The following SKP2 variants were observed in gnomAD, a reference collection of about 807,000 sequenced individuals.
SKP2 encodes S-phase kinase-associated protein 2.
SKP2 carries 16 observed loss-of-function variants against 51.8 expected under a neutral mutation model. That is an observed-to-expected ratio of 0.31 (90% CI 0.21 to 0.47). The LOEUF (loss-of-function observed/expected upper bound fraction) is 0.47, where lower values mean the gene tolerates loss of function less well. SKP2 is among the 20% of genes least tolerant of loss of function. The pLI is 1.00. For missense variants in SKP2, 377 were observed against 505.3 expected, an observed-to-expected ratio of 0.75 and a Z score of 2.43; for synonymous variants, 176 against 198.6, an observed-to-expected ratio of 0.89 and a Z score of 0.96.
At chr5:36,155,412 T>C (rs1437623426) in intron 2 of SKP2, among the ~76,000 whole-genome samples, 1 of 152,188 alleles carries the variant, frequency 6.6e-6, no homozygotes, top group Non-Finnish European at 1.5e-5. Flanking sequence ...TCGAGCTTTC[T>C]TTGCCTTAGT....
At chr5:36,153,213 G>GATAGATATATAT (rs1554084215) in intron 2 of SKP2, among the ~76,000 whole-genome samples, 171 bp downstream of exon 2, 2 of 147,562 alleles carry the variant, frequency 1.4e-5, no homozygotes, top group African/African-American at 2.5e-5. Flanking sequence ...AATCTTGGTA[G>GATAGATATATAT]ATATATATAT....
At chr5:36,156,538 C>G (rs1036025258) in intron 2 of SKP2, among the ~76,000 whole-genome samples, 14 of 152,120 alleles carry the variant, frequency 9.2e-5, no homozygotes, top group Non-Finnish European at 2.1e-4. Context: ...TAGAACAGGT[C>G]TGATTGGCCC....
intron 2 of SKP2, among the ~76,000 whole-genome samples, chr5:36,159,728 G>T (rs1457335245): frequency 6.6e-6 from 1 of 152,184 alleles, no homozygotes; most frequent in Non-Finnish European, 1.5e-5. Flanking sequence ...CCTACTCCAG[G>T]TTGGCTTTCT....
At chr5:36,154,288 A>G (rs1162173435) in intron 2 of SKP2, among the ~76,000 whole-genome samples, 1 of 152,064 alleles carries the variant, frequency 6.6e-6, no homozygotes, top group East Asian at 1.9e-4. Context: ...ATCTTGGAGA[A>G]AAGAGCTCCA....
chr5:36,177,115 G>C lies in SKP2; in HGVS notation c.954-70G>C, dbSNP rs953379740. ...TAATGTTGAAGCAACTAAACAGTAG[G>C]TTATTTCTGTCTTCTTTATCTAGGA... On this transcript the variant is annotated intron_variant, in intron 8 of 9. Transcript: ENST00000274255. 13 of 1,304,264 alleles carry C rather than the reference G, an allele frequency of 1.0e-5. No individual in the cohort carries two copies. In the African/African-American group the frequency reaches 1.9e-4, roughly 19 times the overall value. 80.8% of individuals were successfully genotyped at this position (1,304,264 alleles called of 1,614,324 possible). A position where few individuals can be genotyped will look rare whatever the true frequency, so the allele number is the denominator to read the frequency against.
chr5:36,156,959 A>C, intron 2 of SKP2, among the ~76,000 whole-genome samples: 1 of 151,938 alleles, frequency 6.6e-6, no homozygotes. Flanking sequence ...CATATTTTAC[A>C]TTGCAATCCT....
intron 2 of SKP2, among the ~76,000 whole-genome samples, chr5:36,159,564 G>A (rs1408487388): frequency 6.6e-6 from 1 of 152,158 alleles, no homozygotes; most frequent in East Asian, 1.9e-4. Context: ...GAATACTGGG[G>A]AGTCCCCAAA....
chr5:36,173,359 A>G (rs1288207196), intron 7 of SKP2, among the ~76,000 whole-genome samples: 3 of 152,116 alleles, frequency 2.0e-5, no homozygotes, highest in Non-Finnish European at 2.9e-5. Context: ...ACTATTCTCA[A>G]GTTTTGGATA....
intron 9 of SKP2, chr5:36,180,277 G>A: frequency 7.4e-7 from 1 of 1,344,580 alleles, no homozygotes; most frequent in South Asian, 1.1e-5. Flanking sequence ...GTTGGAGCTG[G>A]ATTGCTGTCA....
intron 4 of SKP2, 76 bp downstream of exon 4, chr5:36,166,738 T>TTC: frequency 5.0e-6 from 7 of 1,386,402 alleles, no homozygotes; most frequent in South Asian, 2.5e-5. Flanking sequence ...TTTTTTTTTT[T>TTC]TTCTTTCTTC....
Position 36,184,041 on chromosome 5 carries a change from A to G in SKP2, c.*2010A>G, listed in dbSNP as rs200914977. ...CATTTTTATAAAAATGAGTGCTTAA[A>G]CTAAGTTGTATTCCTTTTTTCTTTC... is the stretch of plus-strand genomic sequence containing the variant. On this transcript the variant is annotated 3_prime_UTR_variant, in exon 10 of 10. Coordinates refer to ENST00000274255, the MANE Select transcript of SKP2 (RefSeq NM_005983.4). 20 of 1,132,816 alleles carry G rather than the reference A, an allele frequency of 1.8e-5. No individual in the cohort carries two copies. The highest frequency in any genetic ancestry group is 2.3e-4 in the Middle Eastern group (1 of 4,326). 70.2% of individuals were successfully genotyped at this position (1,132,816 alleles called of 1,614,324 possible).
At chr5:36,161,387 C>T (rs1272392884) in intron 2 of SKP2, among the ~76,000 whole-genome samples, 1 of 151,694 alleles carries the variant, frequency 6.6e-6, no homozygotes, top group African/African-American at 2.4e-5. Flanking sequence ...CATAAGTGGC[C>T]TGTCCTTGTT....
At chr5:36,170,464 ATTATAGACTC>A (rs1561537264) in intron 6 of SKP2, 22 bp downstream of exon 6, 1 of 1,361,922 alleles carries the variant, frequency 7.3e-7, no homozygotes, top group Non-Finnish European at 1.0e-6. Flanking sequence ...GTGAGACTTG[ATTATAGACTC>A]TTATGTCAAA....
At chr5:36,191,460 A>C (rs564825950) in intron 6 of SKP2, among the ~76,000 whole-genome samples, 1 of 150,278 alleles carries the variant, frequency 6.7e-6, no homozygotes, top group Admixed American at 6.6e-5. Flanking sequence ...TCAGATACAT[A>C]CCTGTCTGTT....
At chr5:36,169,538 C>T (rs966998680) in intron 5 of SKP2, among the ~76,000 whole-genome samples, 12 of 152,048 alleles carry the variant, frequency 7.9e-5, no homozygotes, top group African/African-American at 2.9e-4. Context: ...AATTAACTTG[C>T]CAGGTACCAT....
At chr5:36,164,246 G>A (rs1745216502) in intron 3 of SKP2, among the ~76,000 whole-genome samples, 1 of 152,174 alleles carries the variant, frequency 6.6e-6, no homozygotes, top group South Asian at 2.1e-4. Flanking sequence ...TAATGGTTAT[G>A]AGGAGGAAAC....
chr5:36,186,332 G>T (rs933944130), downstream of SKP2, among the ~76,000 whole-genome samples: 2 of 152,220 alleles, frequency 1.3e-5, no homozygotes, highest in African/African-American at 4.8e-5. Flanking sequence ...TCTTAGGCCA[G>T]TGTTCAAAGG....
chr5:36,186,911 C>G (rs544903117), downstream of SKP2, among the ~76,000 whole-genome samples: 1 of 152,292 alleles, frequency 6.6e-6, no homozygotes, highest in East Asian at 1.9e-4. Flanking sequence ...ATTATTGCCT[C>G]AGTTTCAGAG....
downstream of SKP2, among the ~76,000 whole-genome samples, chr5:36,187,146 TAGCG>T (rs979694298): frequency 1.3e-5 from 2 of 152,002 alleles, no homozygotes; most frequent in Non-Finnish European, 2.9e-5. Context: ...TTACTCTTGC[TAGCG>T]GTCTATCAAT....
Sources: gnomAD v4.1 joint callset for allele counts (sites outside exome capture counted in the v4.1 genomes callset) on GRCh38, gnomAD v4.1.1 for gene constraint, MANE v1.5 for transcripts, NCBI Gene and HGNC (gene_info 2026-07-23, HGNC 2026-07-21) for gene names.